The following NUP214 variants were observed in gnomAD, a reference collection of about 807,000 sequenced individuals.
NUP214 encodes nucleoporin 214, also known as nuclear pore complex protein Nup214.
Under a neutral mutation model 196.2 loss-of-function variants are expected in NUP214, and 79 were observed. The observed-to-expected ratio is 0.40, with a 90% CI of 0.34 to 0.49. NUP214 has a LOEUF of 0.49. NUP214 is among the 20% of genes least tolerant of loss of function. The probability of loss-of-function intolerance (pLI) is 0.58; values close to 1 mark genes in which losing one functional copy is unlikely to be tolerated. For missense variants in NUP214, 2,468 were observed against 2,539.0 expected (o/e 0.97, Z 0.60); for synonymous variants, 1,020 against 990.5 (o/e 1.03, Z -0.56).
At chr9:131,190,343 A>C in intron 26 of NUP214, 1 of 600,212 alleles carries the variant, frequency 1.7e-6, no homozygotes, top group Non-Finnish European at 2.9e-6. Flanking sequence ...AGAATCAAAG[A>C]AACCTAAGGA....
chr9:131,156,334 G>C (rs1020673244), intron 17 of NUP214, among the ~76,000 whole-genome samples: 1 of 151,718 alleles, frequency 6.6e-6, no homozygotes, highest in Non-Finnish European at 1.5e-5. Context: ...GGGTTTCACT[G>C]TGTTAGCCAG....
intron 12 of NUP214, 69 bp downstream of exon 12, chr9:131,144,823 T>C: frequency 2.4e-6 from 3 of 1,225,906 alleles, no homozygotes; most frequent in Admixed American, 2.6e-5. Flanking sequence ...TTACTAAAAG[T>C]AGAGTCACTC....
rs752125516 is a variant in NUP214 at position 131,129,460 on chromosome 9, C to T, written c.575C>T (p.Thr192Met). The T allele has an allele frequency of 5.9e-5, 95 of 1,613,952 alleles. No individual in the cohort carries two copies. Among genetic ancestry groups the T allele is most frequent in the African/African-American group, 1.2e-4 (9 of 74,902 alleles). ...TVKVCATLPS[T>M]VAVTSVCWSP... ...AAAGTATGTGCAACTCTTCCTTCCA[C>T]GGTAGCAGTAACCTCTGGTGAGTAA... Residue 192 changes from threonine to methionine, a missense_variant, in exon 4 of 36, where the codon ACG becomes ATG. By Grantham distance (81) the Thr-to-Met change is moderately conservative. Coordinates refer to ENST00000359428, the MANE Select transcript of NUP214 (RefSeq NM_005085.4).
chr9:131,188,314 C>T (rs568966175), intron 25 of NUP214, among the ~76,000 whole-genome samples: 4 of 152,318 alleles, frequency 2.6e-5, no homozygotes, highest in South Asian at 2.1e-4. Flanking sequence ...GGTGATATTG[C>T]AAACAGTTAA....
At chr9:131,154,594 G>A (rs569122397) in intron 17 of NUP214, among the ~76,000 whole-genome samples, 15 of 152,280 alleles carry the variant, frequency 9.9e-5, no homozygotes, top group African/African-American at 3.6e-4. Flanking sequence ...TGATCTGCCC[G>A]TCTTGGTCTC....
At chr9:131,223,732 T>TTATTTTA (rs1564219778) in intron 32 of NUP214, among the ~76,000 whole-genome samples, 1 of 30,060 alleles carries the variant, frequency 3.3e-5, no homozygotes, top group African/African-American at 8.0e-5. Flanking sequence ...TATTTATTTT[T>TTATTTTA]TTTTTTTTTT....
At chr9:131,196,805 A>G (rs938257672) in intron 28 of NUP214, among the ~76,000 whole-genome samples, 1 of 152,216 alleles carries the variant, frequency 6.6e-6, no homozygotes, top group Non-Finnish European at 1.5e-5. Context: ...AAATGAAGGA[A>G]GAACTTCCAT....
At chr9:131,131,931 TGCCCACCTTG>T (rs923052672) in intron 5 of NUP214, among the ~76,000 whole-genome samples, 5 of 151,848 alleles carry the variant, frequency 3.3e-5, no homozygotes, top group African/African-American at 1.2e-4. Context: ...TCAAGCAGTG[TGCCCACCTTG>T]GCCTTCCAAA....
intron 24 of NUP214, among the ~76,000 whole-genome samples, chr9:131,184,462 T>A (rs1470229990): frequency 6.6e-6 from 1 of 151,752 alleles, no homozygotes; most frequent in East Asian, 1.9e-4. Flanking sequence ...GCCTCCCAAG[T>A]AGCTGGGACT....
At chr9:131,140,479 A>T (rs1191740758) in intron 10 of NUP214, 70 bp from the exon 11 acceptor site, 1 of 1,339,640 alleles carries the variant, frequency 7.5e-7, no homozygotes, top group African/African-American at 1.5e-5. Flanking sequence ...TGTTGAGGGC[A>T]GTCTTTGCCT....
chr9:131,175,682 C>T, intron 23 of NUP214, 61 bp downstream of exon 23: 1 of 1,548,598 alleles, frequency 6.5e-7, no homozygotes, highest in Non-Finnish European at 8.7e-7. Context: ...AGTCACAGGC[C>T]AGGACAGCAG....
chr9:131,205,908 C>T (rs1458851752), intron 30 of NUP214, among the ~76,000 whole-genome samples: 2 of 152,110 alleles, frequency 1.3e-5, no homozygotes, highest in Non-Finnish European at 2.9e-5. Context: ...GCCTTGAACT[C>T]CTGAACTCAG....
chr9:131,225,993 A>G (rs1411008233), intron 32 of NUP214, among the ~76,000 whole-genome samples: 1 of 152,104 alleles, frequency 6.6e-6, no homozygotes, highest in Non-Finnish European at 1.5e-5. Flanking sequence ...AAAGTGTTAG[A>G]TTTGGAGGGA....
At chr9:131,167,082 A>C (rs1391299376) in intron 21 of NUP214, 1 of 152,118 alleles carries the variant, frequency 6.6e-6, no homozygotes, top group Non-Finnish European at 1.5e-5. Context: ...ACTTACCCCT[A>C]CACGTTGATT....
At chr9:131,143,235 C>T (rs1831978216) in intron 11 of NUP214, among the ~76,000 whole-genome samples, 2 of 152,122 alleles carry the variant, frequency 1.3e-5, no homozygotes, top group Non-Finnish European at 2.9e-5. Flanking sequence ...TCTCAAACTC[C>T]TGGACTCAAA....
chr9:131,199,767 G>A (rs1430628468), intron 29 of NUP214, among the ~76,000 whole-genome samples: 3 of 152,142 alleles, frequency 2.0e-5, no homozygotes, highest in Admixed American at 1.3e-4. Flanking sequence ...GAAAAGCAAG[G>A]ATCAATGATT....
intron 11 of NUP214, among the ~76,000 whole-genome samples, chr9:131,142,232 T>TAGG (rs1831939222): frequency 6.6e-6 from 1 of 152,224 alleles, no homozygotes; most frequent in African/African-American, 2.4e-5. Context: ...CCTGTGAGAT[T>TAGG]AGGAGCCTCT....
intron 19 of NUP214, 128 bp from the exon 20 acceptor site, chr9:131,163,742 A>AC: frequency 2.8e-6 from 2 of 702,370 alleles, no homozygotes; most frequent in Non-Finnish European, 5.1e-6. Flanking sequence ...TCAGTTGGTC[A>AC]GATGGCATGT....
At chr9:131,230,176 A>T (rs1834837124) in intron 33 of NUP214, 1 of 182,410 alleles carries the variant, frequency 5.5e-6, no homozygotes. Flanking sequence ...GCAAATACAA[A>T]ATCCTGAATG....
Sources: gnomAD v4.1 joint callset for allele counts (sites outside exome capture counted in the v4.1 genomes callset) on GRCh38, gnomAD v4.1.1 for gene constraint, MANE v1.5 for transcripts, NCBI Gene and HGNC (gene_info 2026-07-23, HGNC 2026-07-21) for gene names.